OR7C1: variants seen among roughly 807,000 people sequenced by gnomAD.
OR7C1 encodes the protein olfactory receptor family 7 subfamily C member 1.
For synonymous variants in OR7C1, 152 were observed against 160.7 expected, an observed-to-expected ratio of 0.95 and a Z score of 0.41; for missense variants, 324 against 383.3, an observed-to-expected ratio of 0.85 and a Z score of 1.29.
chr19:14,821,196 C>T (rs113032256), intron 1 of OR7C1, among the ~76,000 whole-genome samples: 12,478 of 152,146 alleles, frequency 0.082, 556 homozygotes, highest in East Asian at 0.098. Context: ...TGAGATCGCG[C>T]CATTGCACTC....
chr19:14,816,107 G>A (rs1426995487), intron 1 of OR7C1, among the ~76,000 whole-genome samples: 2 of 152,142 alleles, frequency 1.3e-5, no homozygotes, highest in Non-Finnish European at 2.9e-5. Flanking sequence ...TTACAGACAT[G>A]AGCCGCCATG....
At chr19:14,815,247 T>G (rs914626989) in intron 1 of OR7C1, among the ~76,000 whole-genome samples, 2 of 152,204 alleles carry the variant, frequency 1.3e-5, no homozygotes, top group Non-Finnish European at 2.9e-5. Context: ...GCTGCTCACT[T>G]GCGTGCTTTT....
At chr19:14,827,195 A>C in intron 1 of OR7C1, 3 of 1,287,500 alleles carry the variant, frequency 2.3e-6, no homozygotes, top group Non-Finnish European at 3.1e-6. Context: ...CAGAAATATA[A>C]TAAGTATTAA....
In OR7C1 at chr19:14,827,215, C is replaced by A. The variant is rs948300088; in HGVS notation, c.-623+7859G>T. ...ATATAATAAGTATTAATAGAAGGAGCAAGTTCTATTTCCACTATCTGATTG... is the reference window on the plus strand; with the variant it reads ...ATATAATAAGTATTAATAGAAGGAGAAAGTTCTATTTCCACTATCTGATTG... On this transcript the variant is annotated intron_variant, in intron 1 of 4. Coordinates refer to ENST00000641666, the Ensembl canonical transcript of OR7C1. 7 of 1,437,762 alleles carry A rather than the reference C, an allele frequency of 4.9e-6. No individual in the cohort carries two copies. The African/African-American group carries it at 1.0e-4, about 20-fold the overall frequency. The allele number at this position is 1,437,762 out of a possible 1,614,324, so 89.1% of individuals were successfully genotyped here.
At chr19:14,810,603 T>A (rs1042827937) in intron 1 of OR7C1, among the ~76,000 whole-genome samples, 18 of 150,736 alleles carry the variant, frequency 1.2e-4, no homozygotes, top group African/African-American at 3.7e-4. Flanking sequence ...GTCAGGATGG[T>A]CTCAATCTCC....
exon 5 of OR7C1, chr19:14,799,858 T>A (rs929963839): frequency 1.9e-6 from 3 of 1,613,972 alleles, no homozygotes; most frequent in African/African-American, 2.7e-5. Context: ...AGCCTGCATA[T>A]GTTATGAATT....
chr19:14,807,905 A>C (rs1420937779), intron 2 of OR7C1, among the ~76,000 whole-genome samples: 4 of 151,438 alleles, frequency 2.6e-5, no homozygotes, highest in African/African-American at 9.8e-5. Flanking sequence ...CAAAAAAAAA[A>C]ACAAACAAAC....
chr19:14,834,181 G>C (rs1243435729), intron 1 of OR7C1, among the ~76,000 whole-genome samples: 2 of 152,144 alleles, frequency 1.3e-5, no homozygotes, highest in Non-Finnish European at 2.9e-5. Flanking sequence ...AGGATCACCG[G>C]AGCCAAGGAG....
chr19:14,818,161 C>T (rs1328703037), intron 1 of OR7C1, among the ~76,000 whole-genome samples: 1 of 151,730 alleles, frequency 6.6e-6, no homozygotes, highest in African/African-American at 2.4e-5. Flanking sequence ...GGCACGATCT[C>T]GGCTCACTGC....
At chr19:14,814,599 T>G (rs1239079620) in intron 1 of OR7C1, among the ~76,000 whole-genome samples, 1 of 152,110 alleles carries the variant, frequency 6.6e-6, no homozygotes, top group Non-Finnish European at 1.5e-5. Flanking sequence ...AATTTTTGTA[T>G]TTTTAGTAGA....
At chr19:14,812,232 C>A (rs1484091728) in intron 1 of OR7C1, among the ~76,000 whole-genome samples, 1 of 152,164 alleles carries the variant, frequency 6.6e-6, no homozygotes, top group Non-Finnish European at 1.5e-5. Flanking sequence ...ATAATCTCTT[C>A]CATTGAGGGA....
At chr19:14,832,985 T>A (rs1464214918) in intron 1 of OR7C1, among the ~76,000 whole-genome samples, 1 of 152,228 alleles carries the variant, frequency 6.6e-6, no homozygotes, top group Non-Finnish European at 1.5e-5. Context: ...ACAGAGCAGA[T>A]GCTCAGTTAT....
At chr19:14,829,179 TA>T (rs1441057017) in intron 1 of OR7C1, among the ~76,000 whole-genome samples, 2 of 152,192 alleles carry the variant, frequency 1.3e-5, no homozygotes, top group Non-Finnish European at 2.9e-5. Context: ...GGAATGGCAG[TA>T]CAAAAACTTT....
intron 2 of OR7C1, among the ~76,000 whole-genome samples, chr19:14,805,868 C>T (rs1206057457): frequency 3.3e-5 from 5 of 151,654 alleles, no homozygotes; most frequent in Non-Finnish European, 1.5e-5. Flanking sequence ...TTTTATTATC[C>T]CATTTATATA....
intron 1 of OR7C1, among the ~76,000 whole-genome samples, chr19:14,810,382 T>TTTG (rs1555694751): frequency 1.5e-4 from 22 of 150,346 alleles, no homozygotes; most frequent in East Asian, 9.8e-4. Context: ...GTTTTTTTTT[T>TTTG]TTGTTTTTTG....
In OR7C1 at chr19:14,800,170, G is replaced by C. The variant is rs778639947; in HGVS notation, c.-13-21C>G. ...AATAACTGCCACAAGAGAGAAAAAA[G>C]CAACAGTCAATTATCAACACACTGG... On this transcript the variant is annotated intron_variant, in intron 4 of 4. Coordinates refer to ENST00000641666, the Ensembl canonical transcript of OR7C1. The C allele has an allele frequency of 2.0e-6, 3 of 1,509,312 alleles. No individual in the cohort carries two copies. In the Admixed American group the frequency reaches 6.8e-5, roughly 34 times the overall value. 93.5% of individuals were successfully genotyped at this position (1,509,312 alleles called of 1,614,324 possible).
chr19:14,819,600 C>T (rs2145067132), intron 1 of OR7C1, among the ~76,000 whole-genome samples: 1 of 152,284 alleles, frequency 6.6e-6, no homozygotes. Context: ...TTCCACGTTT[C>T]CAATTAATCA....
At chr19:14,814,073 T>C (rs1424636675) in intron 1 of OR7C1, among the ~76,000 whole-genome samples, 1 of 151,946 alleles carries the variant, frequency 6.6e-6, no homozygotes, top group Admixed American at 6.6e-5. Flanking sequence ...ATAGAGCTAC[T>C]AGATGAAAAC....
rs73004322 is a variant in OR7C1, at chr19:14,806,526, C to T, written c.-435+3280G>A. On this transcript the variant is annotated intron_variant, in intron 2 of 4. Transcript: ENST00000641666. The stretch of plus-strand genomic sequence containing the variant: ...CATGCATTAGCTATTTATCCTGATG[C>T]GCTCCCTCTGCCAACTCCCACTGAC... 9.7e-3 allele frequency among the ~76,000 whole-genome samples: 1,469 copies of T among 152,032 alleles called. 12 individuals are homozygous for T. Among genetic ancestry groups the T allele is most frequent in the Non-Finnish European group, 0.018 (1,225 of 68,014 alleles).
Sources: allele counts gnomAD v4.1 joint callset (sites outside exome capture counted in the v4.1 genomes callset), GRCh38; gene constraint gnomAD v4.1.1; transcripts MANE v1.5; gene names NCBI Gene and HGNC (gene_info 2026-07-23, HGNC 2026-07-21).